RIT2: variants seen among roughly 807,000 people sequenced by gnomAD.
RIT2 encodes the protein Ras like without CAAX 2.
In RIT2, 24 loss-of-function variants were observed where a neutral mutation model predicts 23.7. The observed-to-expected ratio is 1.01, with a 90% CI of 0.73 to 1.43. The LOEUF (loss-of-function observed/expected upper bound fraction) is 1.43, where lower values mean the gene tolerates loss of function less well. RIT2 is among the 40% of genes most tolerant of loss of function. The pLI is 0.00. For synonymous variants in RIT2, 107 were observed against 91.1 expected (o/e 1.17, Z -0.99); for missense variants, 236 against 266.9 (o/e 0.88, Z 0.81).
At chr18:42,915,834 C>T (rs1908894101) in intron 4 of RIT2, among the ~76,000 whole-genome samples, 1 of 151,350 alleles carries the variant, frequency 6.6e-6, no homozygotes, top group African/African-American at 2.4e-5. Context: ...ATATTTTAAA[C>T]ATTTGTACAT....
intron 2 of RIT2, among the ~76,000 whole-genome samples, chr18:42,998,656 A>G (rs1305310672): frequency 6.6e-6 from 1 of 152,078 alleles, no homozygotes. Context: ...ATAATATTCA[A>G]TGTCTCAAGA....
intron 4 of RIT2, among the ~76,000 whole-genome samples, chr18:42,772,173 A>T (rs1913567032): frequency 6.6e-6 from 1 of 152,112 alleles, no homozygotes; most frequent in Non-Finnish European, 1.5e-5. Flanking sequence ...ATGAACCCCC[A>T]AGTCTTCTGA....
intron 1 of RIT2, among the ~76,000 whole-genome samples, chr18:43,067,974 G>T (rs1247002085): frequency 2.6e-5 from 4 of 152,116 alleles, no homozygotes; most frequent in Non-Finnish European, 5.9e-5. Context: ...AAAATAAAAT[G>T]ATCAGTTTAG....
intron 4 of RIT2, among the ~76,000 whole-genome samples, chr18:42,764,842 A>G (rs937498343): frequency 6.6e-6 from 1 of 152,270 alleles, no homozygotes; most frequent in Non-Finnish European, 1.5e-5. Context: ...ATAAATAATT[A>G]AAACAAAAGT....
intron 4 of RIT2, among the ~76,000 whole-genome samples, chr18:42,817,763 C>T (rs1906039376): frequency 6.6e-6 from 1 of 152,118 alleles, no homozygotes; most frequent in African/African-American, 2.4e-5. Context: ...TTTTCTGTGC[C>T]TCAATTTCCT....
At chr18:42,897,422 C>G (rs75370937) in intron 4 of RIT2, among the ~76,000 whole-genome samples, 3,053 of 152,154 alleles carry the variant, frequency 0.02, 121 homozygotes, top group African/African-American at 0.07. Flanking sequence ...GATGAGAATG[C>G]CTTATAACTC....
intron 2 of RIT2, among the ~76,000 whole-genome samples, chr18:42,994,379 A>G (rs1039031316): frequency 2.0e-5 from 3 of 152,050 alleles, no homozygotes; most frequent in African/African-American, 2.4e-5. Context: ...TCAAACGTCA[A>G]CCCCTTCTAC....
chr18:42,744,997 C>G (rs1481953286), intron 4 of RIT2, among the ~76,000 whole-genome samples: 2 of 152,116 alleles, frequency 1.3e-5, no homozygotes, highest in African/African-American at 4.8e-5. Context: ...TCTACTACAG[C>G]TCCTGGTGCC....
intron 4 of RIT2, among the ~76,000 whole-genome samples, chr18:42,798,616 G>C (rs1422895069): frequency 6.6e-6 from 1 of 152,196 alleles, no homozygotes; most frequent in Non-Finnish European, 1.5e-5. Flanking sequence ...CCTTCTGATG[G>C]GACTATAGGG....
chr18:42,965,710 G>GTTTTTTTTTT (rs1910202069), intron 3 of RIT2, among the ~76,000 whole-genome samples: 1 of 52,122 alleles, frequency 1.9e-5, no homozygotes, highest in African/African-American at 8.5e-5. Flanking sequence ...TGTACTGATG[G>GTTTTTTTTTT]CTTTTTTTTT....
intron 4 of RIT2, among the ~76,000 whole-genome samples, chr18:42,780,411 C>T (rs1017891353): frequency 4.6e-5 from 7 of 151,872 alleles, no homozygotes; most frequent in Non-Finnish European, 1.0e-4. Flanking sequence ...GTAGATGGCA[C>T]CTCCAAGTAG....
intron 1 of RIT2, among the ~76,000 whole-genome samples, chr18:43,088,152 C>T (rs1913329985): frequency 1.3e-5 from 2 of 152,110 alleles, no homozygotes; most frequent in South Asian, 4.1e-4. Flanking sequence ...CATTTTTAAT[C>T]TCTCTTAGAG....
intron 4 of RIT2, among the ~76,000 whole-genome samples, chr18:42,780,850 G>T (rs1201559806): frequency 6.7e-6 from 1 of 148,698 alleles, no homozygotes; most frequent in Admixed American, 6.8e-5. Flanking sequence ...CATTGGCCAA[G>T]AAGTTGTCCA....
At chr18:42,954,656 T>C (rs1409272136) in intron 3 of RIT2, among the ~76,000 whole-genome samples, 1 of 152,068 alleles carries the variant, frequency 6.6e-6, no homozygotes, top group African/African-American at 2.4e-5. Flanking sequence ...TGATTTTATA[T>C]TTTCCTTTTA....
intron 2 of RIT2, among the ~76,000 whole-genome samples, chr18:43,028,538 A>G (rs1003570444): frequency 1.3e-5 from 2 of 152,034 alleles, no homozygotes; most frequent in East Asian, 3.9e-4. Context: ...TTATCTTTCT[A>G]TTGTACCACA....
chr18:43,107,734 A>T (rs1359139764), intron 1 of RIT2, among the ~76,000 whole-genome samples: 1 of 152,182 alleles, frequency 6.6e-6, no homozygotes, highest in Non-Finnish European at 1.5e-5. Context: ...CCTCCATGCT[A>T]AATTGTTTAG....
chr18:43,033,239 C>A (rs529646725), intron 2 of RIT2, among the ~76,000 whole-genome samples: 1 of 152,182 alleles, frequency 6.6e-6, no homozygotes, highest in African/African-American at 2.4e-5. Context: ...AAAACTTCTG[C>A]AGTATATTAT....
chr18:42,887,355 A>G (rs147613666), intron 4 of RIT2, among the ~76,000 whole-genome samples: 86 of 152,332 alleles, frequency 5.6e-4, no homozygotes, highest in Middle Eastern at 6.8e-3. Context: ...TACTGGTACA[A>G]TGATTTGCAT....
At chr18:43,046,480 T>C (rs185478275) in intron 1 of RIT2, among the ~76,000 whole-genome samples, 99 of 152,288 alleles carry the variant, frequency 6.5e-4, no homozygotes, top group Non-Finnish European at 8.7e-4. Context: ...CACAGTACCC[T>C]GAGATGAGCT....
Sources: allele counts gnomAD v4.1 joint callset (sites outside exome capture counted in the v4.1 genomes callset), GRCh38; gene constraint gnomAD v4.1.1; transcripts MANE v1.5; gene names NCBI Gene and HGNC (gene_info 2026-07-23, HGNC 2026-07-21).